The following LINGO4 variants were observed in gnomAD, a reference collection of about 807,000 sequenced individuals.
LINGO4 encodes leucine rich repeat and Ig domain containing 4, also known as leucine-rich repeat and immunoglobulin-like domain-containing nogo receptor-interacting protein 4.
Under a neutral mutation model 27.9 loss-of-function variants are expected in LINGO4, and 22 were observed. The observed-to-expected ratio is 0.79, with a 90% CI of 0.56 to 1.13. The LOEUF is 1.13. Ranked by LOEUF, LINGO4 falls within the 50% of genes most tolerant of loss-of-function variation. LINGO4 has a pLI of 0.00. For synonymous variants in LINGO4, 306 were observed against 325.8 expected (o/e 0.94, Z 0.65); for missense variants, 706 against 739.4 (o/e 0.95, Z 0.52).
intron 1 of LINGO4, among the ~76,000 whole-genome samples, chr1:151,803,806 G>A (rs909602142): frequency 5.3e-5 from 8 of 152,162 alleles, no homozygotes; most frequent in South Asian, 2.1e-4. Flanking sequence ...AGAGCCTGTA[G>A]ACTTATAGTC....
rs749018718 is a variant in LINGO4, at chr1:151,802,350, G to A, written c.355C>T (p.Arg119Trp). 5.0e-6 allele frequency: 8 copies of A among 1,614,082 alleles called. No individual in the cohort carries two copies. Among genetic ancestry groups the A allele is most frequent in the African/African-American group, 4.0e-5 (3 of 74,918 alleles). ...SLLTLRLQGN[R>W]LRIMGPGVFS... ...ACCCCAGGCCCCATGATTCTGAGCC[G>A]ATTGCCCTGCAGCCTCAGGGTGAGT... The change falls in exon 2 of 2, where the codon CGG becomes TGG. Residue 119 changes from arginine (R) to tryptophan (W), a missense_variant. Transcript: ENST00000368820.
intron 1 of LINGO4, among the ~76,000 whole-genome samples, chr1:151,803,522 G>A (rs1351506146): frequency 1.3e-5 from 2 of 152,240 alleles, no homozygotes; most frequent in Non-Finnish European, 2.9e-5. Flanking sequence ...AGACCCAAAG[G>A]ATGCCCAGGT....
Position 151,802,524 on chromosome 1 carries a change from C to T in LINGO4, c.181G>A (p.Asp61Asn). 2 of 1,608,672 alleles carry T rather than the reference C, an allele frequency of 1.2e-6. No homozygotes were observed. Among genetic ancestry groups the T allele is most frequent in the Non-Finnish European group, 1.7e-6 (2 of 1,177,336 alleles). Reference sequence around the variant, plus strand: ...CCACTCAGGTCCAGGAGCTCAGTGTCCAGTGGGAGTCCTCCAGGTACAGCC... The same window carrying T: ...CCACTCAGGTCCAGGAGCTCAGTGTTCAGTGGGAGTCCTCCAGGTACAGCC... ...LEAVPGGLPL[D>N]TELLDLSGNR... The change falls in exon 2 of 2, where the codon GAC becomes AAC. Residue 61 changes from aspartate (D) to asparagine (N), a missense_variant. Asp to Asn is a conservative substitution (Grantham distance 23, BLOSUM62 1). Coordinates refer to ENST00000368820, the MANE Select transcript of LINGO4 (RefSeq NM_001004432.4).
Position 151,801,320 on chromosome 1 carries a change from C to T in LINGO4, c.1385G>A (p.Arg462Lys), listed in dbSNP as rs1486896785. The T allele has an allele frequency of 1.2e-6, 2 of 1,612,794 alleles. No homozygotes were observed. The highest frequency in any genetic ancestry group is 4.5e-5 in the East Asian group (2 of 44,794). ...CTCCAGTGTCCCATCCTCTAGGACC[C>T]TTACTCTCCCAGCCCTGCCCAGCCA... is the stretch of plus-strand genomic sequence containing the variant. ...GAWLGRAGRV[R>K]VLEDGTLEIR... The change falls in exon 2 of 2, where the codon AGG (arginine) becomes AAG (lysine). Residue 462 changes from arginine (R) to lysine (K), a missense_variant. Arg to Lys is a conservative substitution (Grantham distance 26). Transcript: ENST00000368820. The surrounding 1 kb of genome is among the most constrained non-coding windows in gnomAD (Gnocchi z 5.7).
In LINGO4 at chr1:151,801,809, A is replaced by AG; in HGVS notation, c.895dup (p.Leu299ProfsTer36). The stretch of plus-strand genomic sequence containing the variant: ...CAGGCGTAGCTCCTGGAGCCGCACC[A>AG]GGGGGCTGAGCCTTCGGGCTGGGAT... On this transcript the variant is annotated frameshift_variant, in exon 2 of 2. Transcript: ENST00000368820. LOFTEE classifies it high-confidence loss of function. The surrounding 1 kb of genome is among the most constrained non-coding windows in gnomAD (Gnocchi z 5.7). 1 of 1,614,222 alleles carries AG rather than the reference A, an allele frequency of 6.2e-7. No homozygotes were observed. The highest frequency in any genetic ancestry group is 8.5e-7 in the Non-Finnish European group (1 of 1,180,028).
chr1:151,801,703 G>T lies in LINGO4; in HGVS notation c.1002C>A (p.Asn334Lys). 1 of 1,614,212 alleles carries T rather than the reference G, an allele frequency of 6.2e-7. No homozygotes were observed. Among genetic ancestry groups the T allele is most frequent in the Non-Finnish European group, 8.5e-7 (1 of 1,180,026 alleles). ...TAFHLLDVAD[N>K]ALQTLEETAF... ...CTGTTTCCTCTAGTGTCTGAAGGGCGTTATCTGCCACATCCAGGAGGTGGA... is the reference window on the plus strand; with the variant it reads ...CTGTTTCCTCTAGTGTCTGAAGGGCTTTATCTGCCACATCCAGGAGGTGGA... The change falls in exon 2 of 2, where the codon AAC becomes AAA. Residue 334 changes from asparagine (N) to lysine (K), a missense_variant. Physicochemically the swap from Asn to Lys is moderately conservative, Grantham distance 94. Transcript: ENST00000368820. The surrounding 1 kb of genome is among the most constrained non-coding windows in gnomAD (Gnocchi z 5.7).
chr1:151,803,059 G>T (rs1042988120), intron 1 of LINGO4, among the ~76,000 whole-genome samples: 10 of 152,102 alleles, frequency 6.6e-5, no homozygotes, highest in African/African-American at 2.4e-4. Context: ...TTCTGTATGG[G>T]GTTTCCTGAT....
chr1:151,802,565 C>T lies in LINGO4; in HGVS notation c.140G>A (p.Gly47Asp), dbSNP rs781298255. The T allele has an allele frequency of 1.2e-6, 2 of 1,600,258 alleles. No homozygotes were observed. Among genetic ancestry groups the T allele is most frequent in the African/African-American group, 2.7e-5 (2 of 74,682 alleles). Residue 47 changes from glycine to aspartate, a missense_variant, in exon 2 of 2, where the codon GGC (glycine) becomes GAC (aspartate). Gly to Asp is a moderately conservative substitution (Grantham distance 94). Transcript: ENST00000368820. ...AGGTACAGCCTCCAGTTGCCTGTGG[C>T]CACAGAGCACAGCCTGGGGCTGGGA... ...CTSQPQAVLC[G>D]HRQLEAVPGG...
At chr1:151,803,122 C>T (rs939291366) in intron 1 of LINGO4, among the ~76,000 whole-genome samples, 6 of 152,212 alleles carry the variant, frequency 3.9e-5, no homozygotes, top group Non-Finnish European at 7.3e-5. Context: ...ACCTGCTCTT[C>T]CCAAGCTCTG....
chr1:151,804,090 C>G (rs1334956263), intron 1 of LINGO4, among the ~76,000 whole-genome samples: 1 of 152,180 alleles, frequency 6.6e-6, no homozygotes, highest in Admixed American at 6.5e-5. Flanking sequence ...GCTTCAGGCT[C>G]TCTGGGCTCT....
rs765690469 is a variant in LINGO4 at position 151,802,520 on chromosome 1, G to C, written c.185C>G (p.Thr62Ser). 3 of 1,609,688 alleles carry C rather than the reference G, an allele frequency of 1.9e-6. No individual in the cohort carries two copies. The highest frequency in any genetic ancestry group is 2.5e-6 in the Non-Finnish European group (3 of 1,177,776). The change falls in exon 2 of 2, where the codon ACT becomes AGT. Residue 62 changes from threonine to serine, a missense_variant. Physicochemically the swap from Thr to Ser is moderately conservative, Grantham distance 58. Transcript: ENST00000368820. The stretch of plus-strand genomic sequence containing the variant: ...GTTCCCACTCAGGTCCAGGAGCTCA[G>C]TGTCCAGTGGGAGTCCTCCAGGTAC... ...EAVPGGLPLD[T>S]ELLDLSGNRL...
chr1:151,802,082 G>A lies in LINGO4; in HGVS notation c.623C>T (p.Ala208Val), dbSNP rs754697356. 6.2e-7 allele frequency: 1 copy of A among 1,613,916 alleles called. No homozygotes were observed. The highest frequency in any genetic ancestry group is 1.3e-5 in the African/African-American group (1 of 74,918). Residue 208 changes from alanine (A) to valine (V), a missense_variant, in exon 2 of 2, where the codon GCC becomes GTC. Physicochemically the swap from Ala to Val is moderately conservative, Grantham distance 64. Transcript: ENST00000368820. ...AATATCCAGTTCTCTAAGCCTTAGG[G>A]CCACTAGTGCCGGGAGACGGGCAAG... ...LALARLPALV[A>V]LRLRELDIGR...
In LINGO4 at chr1:151,800,989, A is replaced by G. The variant is rs1651127446; in HGVS notation, c.1716T>C (p.Phe572=). 2 of 1,614,062 alleles carry G rather than the reference A, an allele frequency of 1.2e-6. No homozygotes were observed. Among genetic ancestry groups the G allele is most frequent in the Middle Eastern group, 1.7e-4 (1 of 6,060 alleles). ...TATCCCCAGAGGGCCGAGGTGCCAC[A>G]AAGTCAAAGGTCATGTGATGTTTGA... ...GRVKHHMTFD[F]VAPRPSGDKN... The change falls in exon 2 of 2, where the codon TTT becomes TTC. Residue 572 remains phenylalanine (F), a synonymous_variant. Transcript: ENST00000368820.
chr1:151,802,468 C>T lies in LINGO4; in HGVS notation c.237G>A (p.Met79Ile), dbSNP rs202186872. The change falls in exon 2 of 2, where the codon ATG becomes ATA. Residue 79 changes from methionine (M) to isoleucine (I), a missense_variant. Transcript: ENST00000368820. Reference sequence around the variant, plus strand: ...CCTGGAGCAGGCTCAGGCGGGAGAGCATTCCCTGCTGGAGCCCCCACAGGC... The same window carrying T: ...CCTGGAGCAGGCTCAGGCGGGAGAGTATTCCCTGCTGGAGCCCCCACAGGC... ...GNRLWGLQQGMLSRLSLLQEL... is the reference protein window; with the variant it reads ...GNRLWGLQQGILSRLSLLQEL... 224 of 1,614,116 alleles carry T rather than the reference C, an allele frequency of 1.4e-4. 1 individual carries two copies. In the East Asian group the frequency reaches 4.6e-3, roughly 33 times the overall value.
chr1:151,802,611 G>A lies in LINGO4; in HGVS notation c.94C>T (p.Pro32Ser), dbSNP rs1456281285. Reference protein sequence around the residue: ...LLPGGSGGSCPAVCDCTSQPQ... With the variant: ...LLPGGSGGSCSAVCDCTSQPQ... ...TGGGAGGTGCAGTCACACACAGCAG[G>A]GCAGCTGCCACCGCTCCCTCCAGGT... The change falls in exon 2 of 2, where the codon CCT (proline) becomes TCT (serine). Residue 32 changes from proline (P) to serine (S), a missense_variant. Transcript: ENST00000368820. The A allele has an allele frequency of 3.1e-6, 5 of 1,598,458 alleles. No individual in the cohort carries two copies. The African/African-American group carries it at 6.7e-5, about 21-fold the overall frequency.
Position 151,800,551 on chromosome 1 carries a change from C to T in LINGO4, c.*372G>A, listed in dbSNP as rs1168496829. 5.4e-6 allele frequency: 1 copy of T among 185,378 alleles called. No individual in the cohort carries two copies. The highest frequency in any genetic ancestry group is 1.1e-5 in the Non-Finnish European group (1 of 89,410). The allele number at this position is 185,378 out of a possible 1,614,324, so 11.5% of individuals were successfully genotyped here. A position where few individuals can be genotyped will look rare whatever the true frequency, so the allele number is the denominator to read the frequency against. On this transcript the variant is annotated 3_prime_UTR_variant, in exon 2 of 2. Transcript: ENST00000368820. ...TTCCCAGCCCCACCTCTGAAATAATCTTATAGCCGTGGTTGGCAATTGGTT... is the reference window on the plus strand; with the variant it reads ...TTCCCAGCCCCACCTCTGAAATAATTTTATAGCCGTGGTTGGCAATTGGTT...
rs1651128944 is a variant in LINGO4, at chr1:151,801,062, G to T, written c.1643C>A (p.Thr548Asn). 6.2e-7 allele frequency: 1 copy of T among 1,614,190 alleles called. No individual in the cohort carries two copies. The highest frequency in any genetic ancestry group is 8.5e-7 in the Non-Finnish European group (1 of 1,180,040). Residue 548 changes from threonine to asparagine, a missense_variant, in exon 2 of 2, where the codon ACC becomes AAC. Transcript: ENST00000368820. The surrounding 1 kb of genome is among the most constrained non-coding windows in gnomAD (Gnocchi z 5.7). ...AAGGGCAATCAGGCCAAAGCAGAGGGTCACTGAGGTGAGGAAGGGGAGGAA... is the reference window on the plus strand; with the variant it reads ...AAGGGCAATCAGGCCAAAGCAGAGGTTCACTGAGGTGAGGAAGGGGAGGAA... Reference protein sequence around the residue: ...VGFLPFLTSVTLCFGLIALWS... With the variant: ...VGFLPFLTSVNLCFGLIALWS...
chr1:151,801,231 T>C lies in LINGO4; in HGVS notation c.1474A>G (p.Asn492Asp), dbSNP rs1651133924. 1 of 1,614,014 alleles carries C rather than the reference T, an allele frequency of 6.2e-7. No homozygotes were observed. The highest frequency in any genetic ancestry group is 1.7e-5 in the Admixed American group (1 of 60,008). ...YVCVVSNVAG[N>D]DSLRTWLEVI... ...TCCAGCCAGGTCCTCAGGGAGTCAT[T>C]CCCAGCGACATTGCTAACCACACAG... The change falls in exon 2 of 2, where the codon AAT (asparagine) becomes GAT (aspartate). Residue 492 changes from asparagine to aspartate, a missense_variant. Transcript: ENST00000368820. The surrounding 1 kb of genome is among the most constrained non-coding windows in gnomAD (Gnocchi z 5.7).
chr1:151,802,527 G>C lies in LINGO4; in HGVS notation c.178C>G (p.Leu60Val), dbSNP rs1355655099. The C allele has an allele frequency of 2.5e-6, 4 of 1,608,154 alleles. No homozygotes were observed. The highest frequency in any genetic ancestry group is 3.4e-6 in the Non-Finnish European group (4 of 1,177,122). Residue 60 changes from leucine (L) to valine (V), a missense_variant, in exon 2 of 2, where the codon CTG becomes GTG. Leu to Val is a conservative substitution (Grantham distance 32). Transcript: ENST00000368820. ...CTCAGGTCCAGGAGCTCAGTGTCCAGTGGGAGTCCTCCAGGTACAGCCTCC... is the reference window on the plus strand; with the variant it reads ...CTCAGGTCCAGGAGCTCAGTGTCCACTGGGAGTCCTCCAGGTACAGCCTCC... ...QLEAVPGGLP[L>V]DTELLDLSGN...
Sources: gnomAD v4.1 joint callset for allele counts (sites outside exome capture counted in the v4.1 genomes callset) on GRCh38, gnomAD v4.1.1 for gene constraint, Gnocchi (gnomAD v3.1) non-coding constraint, MANE v1.5 for transcripts, NCBI Gene and HGNC (gene_info 2026-07-23, HGNC 2026-07-21) for gene names.